Variants in MYO3B observed in about 807,000 individuals in gnomAD.
The protein encoded by MYO3B is myosin IIIB.
A neutral mutation model predicts 174.6 loss-of-function variants in MYO3B; 156 were observed. The ratio of observed to expected loss-of-function variants is 0.89; its 90% CI spans 0.78 to 1.02. MYO3B has a LOEUF of 1.02. Among genes scored for constraint, MYO3B ranks in the 50% least tolerant of loss-of-function variants. The probability of loss-of-function intolerance (pLI) is 0.00; values close to 1 mark genes in which losing one functional copy is unlikely to be tolerated. For missense variants in MYO3B, 1,632 were observed against 1,639.4 expected, an observed-to-expected ratio of 1.00 and a Z score of 0.08; for synonymous variants, 563 against 569.1, an observed-to-expected ratio of 0.99 and a Z score of 0.15.
At chr2:170,277,523 G>A (rs565090225) in intron 7 of MYO3B, among the ~76,000 whole-genome samples, 34 of 152,174 alleles carry the variant, frequency 2.2e-4, no homozygotes, top group Non-Finnish European at 1.2e-4. Context: ...AACTCACTGG[G>A]CACTGCTTTA....
chr2:170,626,370 T>C (rs1696431123), intron 32 of MYO3B, among the ~76,000 whole-genome samples: 1 of 152,222 alleles, frequency 6.6e-6, no homozygotes. Context: ...GAGACTAGGA[T>C]TGCAACCCCT....
chr2:170,513,079 A>G (rs1381695912), intron 28 of MYO3B, among the ~76,000 whole-genome samples: 3 of 151,958 alleles, frequency 2.0e-5, no homozygotes, highest in Non-Finnish European at 2.9e-5. Flanking sequence ...TTCCCACCCA[A>G]TTTTTCCCCG....
At chr2:170,184,670 A>T (rs568132716) in intron 1 of MYO3B, among the ~76,000 whole-genome samples, 2 of 152,292 alleles carry the variant, frequency 1.3e-5, no homozygotes, top group East Asian at 3.9e-4. Context: ...TAGTTCTTCA[A>T]TATACTGATA....
intron 7 of MYO3B, among the ~76,000 whole-genome samples, chr2:170,243,276 C>T (rs2093155583): frequency 6.6e-6 from 1 of 152,266 alleles, no homozygotes; most frequent in African/African-American, 2.4e-5. Context: ...GAGAATGTGG[C>T]TGTGTTGGTT....
At position 170,400,325 on chromosome 2, in the gene MYO3B, G is replaced by T; in HGVS notation, c.1918+11G>T. ...AAGCTTTGCAAAATGGTAATTATTT[G>T]ATATTTGTGGGCTGTGTTGTTGCCA... On this transcript the variant is annotated intron_variant, in intron 17 of 34. Coordinates refer to ENST00000408978, the MANE Select transcript of MYO3B (RefSeq NM_138995.5). The T allele has an allele frequency of 6.2e-7, 1 of 1,611,558 alleles. No individual in the cohort carries two copies. The highest frequency in any genetic ancestry group is 8.5e-7 in the Non-Finnish European group (1 of 1,178,734).
intron 30 of MYO3B, among the ~76,000 whole-genome samples, chr2:170,538,116 C>T (rs1689848975): frequency 6.6e-6 from 1 of 152,090 alleles, no homozygotes; most frequent in Non-Finnish European, 1.5e-5. Flanking sequence ...CAACGCCTAT[C>T]CAAGCAAAAA....
chr2:170,471,583 A>G (rs1684979881), intron 25 of MYO3B, among the ~76,000 whole-genome samples: 1 of 152,106 alleles, frequency 6.6e-6, no homozygotes, highest in Non-Finnish European at 1.5e-5. Flanking sequence ...GTATGGTGTA[A>G]GGTAGAAGTC....
chr2:170,501,760 C>G, intron 27 of MYO3B, 25 bp from the exon 28 acceptor site: 1 of 1,517,274 alleles, frequency 6.6e-7, no homozygotes, highest in Non-Finnish European at 9.1e-7. Flanking sequence ...AATGTCATTC[C>G]TAGCACATGG....
rs1387366170 is a variant in MYO3B, at chr2:170,401,622, T to C, written c.2060T>C (p.Leu687Pro). The change falls in exon 18 of 35, where the codon CTG becomes CCG. Residue 687 changes from leucine to proline, a missense_variant. Physicochemically the swap from Leu to Pro is moderately conservative, Grantham distance 98. Coordinates refer to ENST00000408978, the MANE Select transcript of MYO3B (RefSeq NM_138995.5). ...GTTCGAGACGCCATGTCCAAAGCCCTGTATGGGAGGCTCTTCAGCTGGATT... is the reference window on the plus strand; with the variant it reads ...GTTCGAGACGCCATGTCCAAAGCCCCGTATGGGAGGCTCTTCAGCTGGATT... The part of the protein sequence containing the change: ...ADVRDAMSKA[L>P]YGRLFSWIVN... 1 of 1,614,106 alleles carries C rather than the reference T, an allele frequency of 6.2e-7. No individual in the cohort carries two copies.
Position 170,559,687 on chromosome 2 carries a change from T to C in MYO3B, c.3733+15699T>C, listed in dbSNP as rs778982827. Among the ~76,000 whole-genome samples the C allele has an allele frequency of 4.6e-4, 70 of 152,228 alleles. 2 individuals carry two copies. In the Middle Eastern group the frequency reaches 0.027, roughly 59 times the overall value. ...GGATATTAAATGAGTCTGTAATTTTTCTCCCTACCAAGAACAATTCACAAT... is the reference window on the plus strand; with the variant it reads ...GGATATTAAATGAGTCTGTAATTTTCCTCCCTACCAAGAACAATTCACAAT... On this transcript the variant is annotated intron_variant, in intron 32 of 34. Transcript: ENST00000408978.
intron 7 of MYO3B, among the ~76,000 whole-genome samples, chr2:170,317,311 C>A (rs1394655325): frequency 6.6e-6 from 1 of 151,952 alleles, no homozygotes; most frequent in African/African-American, 2.4e-5. Context: ...AAGTCTGTTT[C>A]CCAAATTCTA....
intron 32 of MYO3B, among the ~76,000 whole-genome samples, chr2:170,646,340 T>C (rs1195909677): frequency 1.3e-5 from 2 of 152,120 alleles, no homozygotes; most frequent in Non-Finnish European, 2.9e-5. Flanking sequence ...TTTGGTTTAC[T>C]TCATTGCAAC....
chr2:170,340,489 T>A (rs1241783941), intron 8 of MYO3B: 2 of 152,212 alleles, frequency 1.3e-5, no homozygotes, highest in Non-Finnish European at 2.9e-5. Flanking sequence ...TGGCTGACAT[T>A]CCTATAACAA....
chr2:170,635,397 G>A (rs1697372973), intron 32 of MYO3B, among the ~76,000 whole-genome samples: 1 of 152,072 alleles, frequency 6.6e-6, no homozygotes, highest in Admixed American at 6.5e-5. Context: ...TCACTCATAG[G>A]TGGGAATTGA....
chr2:170,430,796 A>G (rs1421798576), intron 22 of MYO3B, among the ~76,000 whole-genome samples: 3 of 152,234 alleles, frequency 2.0e-5, no homozygotes, highest in African/African-American at 7.2e-5. Flanking sequence ...AACAAAAACA[A>G]AAGGAGATTT....
intron 32 of MYO3B, among the ~76,000 whole-genome samples, chr2:170,603,044 G>T (rs1172926004): frequency 6.6e-6 from 1 of 151,904 alleles, no homozygotes; most frequent in East Asian, 1.9e-4. Context: ...CTCCAGCCTG[G>T]GCAACAAGAG....
At chr2:170,372,262 A>C (rs1456485894) in intron 9 of MYO3B, among the ~76,000 whole-genome samples, 1 of 151,684 alleles carries the variant, frequency 6.6e-6, no homozygotes, top group Non-Finnish European at 1.5e-5. Context: ...AACGGGGGTT[A>C]TTTTGAGGGT....
At chr2:170,273,998 G>A (rs775286757) in intron 7 of MYO3B, among the ~76,000 whole-genome samples, 1 of 152,068 alleles carries the variant, frequency 6.6e-6, no homozygotes, top group Non-Finnish European at 1.5e-5. Flanking sequence ...TCATTTAATC[G>A]GTGATGTGTG....
At chr2:170,185,119 G>C (rs1172375042) in intron 1 of MYO3B, among the ~76,000 whole-genome samples, 1 of 151,992 alleles carries the variant, frequency 6.6e-6, no homozygotes, top group Non-Finnish European at 1.5e-5. Flanking sequence ...CTCTCATTCT[G>C]TGGGTTGTCT....
Sources: allele counts gnomAD v4.1 joint callset (sites outside exome capture counted in the v4.1 genomes callset), GRCh38; gene constraint gnomAD v4.1.1; transcripts MANE v1.5; gene names NCBI Gene and HGNC (gene_info 2026-07-23, HGNC 2026-07-21).